The following CTNNA2 variants were observed in gnomAD, a reference collection of about 807,000 sequenced individuals.
The protein encoded by CTNNA2 is catenin alpha-2.
A neutral mutation model predicts 101.0 loss-of-function variants in CTNNA2; 42 were observed. That is an observed-to-expected ratio of 0.42 (90% CI 0.32 to 0.54). The LOEUF is 0.54. Among genes scored for constraint, CTNNA2 ranks in the 20% least tolerant of loss-of-function variants. The pLI is 0.14. For missense variants in CTNNA2, 871 were observed against 1,223.1 expected (o/e 0.71, Z 4.29); for synonymous variants, 450 against 456.4 (o/e 0.99, Z 0.18).
intron 2 of CTNNA2, among the ~76,000 whole-genome samples, chr2:79,276,759 C>T (rs1675222368): frequency 6.6e-6 from 1 of 152,050 alleles, no homozygotes; most frequent in South Asian, 2.1e-4. Flanking sequence ...TTAATGATTA[C>T]CCTTATTTTA....
chr2:80,214,456 T>C (rs1708119349), intron 7 of CTNNA2, among the ~76,000 whole-genome samples: 1 of 152,174 alleles, frequency 6.6e-6, no homozygotes, highest in South Asian at 2.1e-4. Context: ...GGATTTTATT[T>C]CTCCTTCACT....
chr2:79,864,562 C>T (rs1681877757), intron 4 of CTNNA2, among the ~76,000 whole-genome samples: 1 of 152,098 alleles, frequency 6.6e-6, no homozygotes, highest in African/African-American at 2.4e-5. Context: ...AAGAGGAACA[C>T]ATAAAGAGAC....
chr2:79,276,280 T>G (rs1008946982), intron 2 of CTNNA2, among the ~76,000 whole-genome samples: 5 of 152,156 alleles, frequency 3.3e-5, no homozygotes, highest in African/African-American at 1.2e-4. Context: ...TTTTATATAT[T>G]ATTCTATCCC....
At chr2:79,752,614 C>G (rs1298574032) in intron 3 of CTNNA2, among the ~76,000 whole-genome samples, 1 of 152,132 alleles carries the variant, frequency 6.6e-6, no homozygotes, top group Non-Finnish European at 1.5e-5. Context: ...CTTTTTGCCT[C>G]TCATAGTCTG....
At chr2:79,669,780 T>C (rs1333300953) in intron 2 of CTNNA2, among the ~76,000 whole-genome samples, 3 of 152,184 alleles carry the variant, frequency 2.0e-5, no homozygotes, top group African/African-American at 7.2e-5. Context: ...GTCCTCTTTG[T>C]CCTCTGGCCA....
At chr2:79,535,098 A>T (rs1672975091) in intron 1 of CTNNA2, among the ~76,000 whole-genome samples, 1 of 152,222 alleles carries the variant, frequency 6.6e-6, no homozygotes, top group South Asian at 2.1e-4. Context: ...TTCATGCAAA[A>T]AAATTTAACA....
At chr2:80,552,362 A>G (rs1692640712) in intron 11 of CTNNA2, among the ~76,000 whole-genome samples, 1 of 152,234 alleles carries the variant, frequency 6.6e-6, no homozygotes, top group Non-Finnish European at 1.5e-5. Flanking sequence ...TCTGTGATAC[A>G]CAATAAAACA....
chr2:79,332,100 G>C (rs1676886641), intron 3 of CTNNA2, among the ~76,000 whole-genome samples: 1 of 152,118 alleles, frequency 6.6e-6, no homozygotes, highest in Admixed American at 6.5e-5. Context: ...TTCTTGACAA[G>C]AACAGTGAGG....
intron 7 of CTNNA2, among the ~76,000 whole-genome samples, chr2:79,995,142 T>A (rs1692456246): frequency 6.6e-6 from 1 of 152,204 alleles, no homozygotes; most frequent in Non-Finnish European, 1.5e-5. Context: ...TCAGTTCTCC[T>A]TGGCAATGCA....
chr2:79,824,125 CA>C (rs891786964), intron 3 of CTNNA2, among the ~76,000 whole-genome samples: 2 of 152,194 alleles, frequency 1.3e-5, no homozygotes, highest in African/African-American at 2.4e-5. Context: ...TACCGTGCTT[CA>C]ACTTTTGAAC....
rs140981993 is a variant in CTNNA2 at position 80,571,702 on chromosome 2, T to G, written c.1742-2461T>G. Reference sequence around the variant, plus strand: ...CTCAGGGCTTATTCACTTTAATATATTGACTGTCCCCTGACTCACATCCCT... The same window carrying G: ...CTCAGGGCTTATTCACTTTAATATAGTGACTGTCCCCTGACTCACATCCCT... On this transcript the variant is annotated intron_variant, in intron 12 of 18. Transcript: ENST00000402739. 2.4e-3 allele frequency among the ~76,000 whole-genome samples: 360 copies of G among 152,280 alleles called. 3 individuals carry two copies. Among genetic ancestry groups the G allele is most frequent in the African/African-American group, 7.2e-3 (300 of 41,556 alleles).
chr2:80,439,451 T>G (rs908710323), intron 9 of CTNNA2, among the ~76,000 whole-genome samples: 12 of 152,092 alleles, frequency 7.9e-5, no homozygotes, highest in Non-Finnish European at 1.6e-4. Flanking sequence ...CAGGCTGGAG[T>G]GCAGTGGCGT....
At chr2:79,860,460 C>G (rs1681505918) in intron 4 of CTNNA2, among the ~76,000 whole-genome samples, 1 of 151,154 alleles carries the variant, frequency 6.6e-6, no homozygotes, top group African/African-American at 2.4e-5. Context: ...CTGTTTTGAC[C>G]AGTGCTGTTG....
In CTNNA2 at chr2:79,392,879, A is replaced by G. The variant is rs17017033; in HGVS notation, c.-135+18866A>G. On this transcript the variant is annotated intron_variant, in intron 4 of 21. Transcript: ENST00000466387. ...AATAGAAATCAGTTCTTTCAAATGA[A>G]TAGCTTTTAGTTAAATGGCATTTCG... Among the ~76,000 whole-genome samples, 1,134 of 152,338 alleles carry G rather than the reference A, an allele frequency of 7.4e-3. 17 individuals carry two copies. The highest frequency in any genetic ancestry group is 0.025 in the African/African-American group (1,044 of 41,572).
intron 6 of CTNNA2, among the ~76,000 whole-genome samples, chr2:79,882,852 TC>T (rs1683551324): frequency 6.6e-6 from 1 of 152,162 alleles, no homozygotes; most frequent in Admixed American, 6.5e-5. Flanking sequence ...AGTGGCGTCT[TC>T]CGATCCGTGG....
chr2:80,293,350 CAT>C (rs1476940333), intron 7 of CTNNA2, among the ~76,000 whole-genome samples: 1 of 152,194 alleles, frequency 6.6e-6, no homozygotes, highest in African/African-American at 2.4e-5. Context: ...CCCTGCTACA[CAT>C]AGTTTGCAAT....
At chr2:79,673,666 T>C (rs1032545591) in intron 2 of CTNNA2, among the ~76,000 whole-genome samples, 1 of 152,204 alleles carries the variant, frequency 6.6e-6, no homozygotes, top group South Asian at 2.1e-4. Flanking sequence ...AAAAACACTC[T>C]TGTTTTATCT....
At chr2:80,272,035 CT>C (rs1673532705) in intron 7 of CTNNA2, among the ~76,000 whole-genome samples, 1 of 152,188 alleles carries the variant, frequency 6.6e-6, no homozygotes, top group Admixed American at 6.5e-5. Context: ...GGAGGAAACA[CT>C]TTTTGAAACA....
At chr2:79,242,993 T>TATATATAC (rs1306982182) in intron 2 of CTNNA2, among the ~76,000 whole-genome samples, 1,782 of 116,540 alleles carry the variant, frequency 0.015, 19 homozygotes, top group Non-Finnish European at 0.021. Flanking sequence ...TATATATATA[T>TATATATAC]ACACACACAC....
Sources: allele counts gnomAD v4.1 joint callset (sites outside exome capture counted in the v4.1 genomes callset), GRCh38; gene constraint gnomAD v4.1.1; transcripts MANE v1.5; gene names NCBI Gene and HGNC (gene_info 2026-07-23, HGNC 2026-07-21).